The following PDE8A variants were observed in gnomAD, a reference collection of about 807,000 sequenced individuals.
The protein encoded by PDE8A is high affinity cAMP-specific and IBMX-insensitive 3',5'-cyclic phosphodiesterase 8A.
PDE8A carries 59 observed loss-of-function variants against 105.0 expected under a neutral mutation model. The ratio of observed to expected loss-of-function variants is 0.56; its 90% CI spans 0.46 to 0.70. The LOEUF (loss-of-function observed/expected upper bound fraction) is 0.70, where lower values mean the gene tolerates loss of function less well. PDE8A is among the 30% of genes least tolerant of loss of function. The probability of loss-of-function intolerance (pLI) is 0.00; values close to 1 mark genes in which losing one functional copy is unlikely to be tolerated. For synonymous variants in PDE8A, 355 were observed against 371.9 expected (o/e 0.95, Z 0.52); for missense variants, 1,014 against 1,045.9 (o/e 0.97, Z 0.42).
In PDE8A at chr15:85,035,800, G is replaced by C. The variant is rs1024792974; in HGVS notation, c.187-28570G>C. Among the ~76,000 whole-genome samples the C allele has an allele frequency of 1.1e-4, 16 of 152,314 alleles. No homozygotes were observed. In the East Asian group the frequency reaches 2.9e-3, roughly 28 times the overall value. ...AATATAAACAGACCAACTTTCTGAA[G>C]TGTCATAATATGTGGTCCCCTAATA... On this transcript the variant is annotated intron_variant, in intron 1 of 21. Coordinates refer to ENST00000394553, the MANE Select transcript of PDE8A (RefSeq NM_002605.3).
At chr15:85,115,803 C>G in intron 15 of PDE8A, 181 bp from the exon 16 acceptor site, 1 of 583,998 alleles carries the variant, frequency 1.7e-6, no homozygotes, top group South Asian at 2.2e-5. Context: ...TGCCTGTAAT[C>G]CCACTACTCA....
Position 85,085,805 on chromosome 15 carries a change from C to T in PDE8A, c.635+2161C>T, listed in dbSNP as rs545828777. On this transcript the variant is annotated intron_variant, in intron 6 of 21. Transcript: ENST00000394553. ...GGTGGATCACCTGAGGTCAGGAGTTCGAGACCAGCCTGGCCAACATGATGA... is the reference window on the plus strand; with the variant it reads ...GGTGGATCACCTGAGGTCAGGAGTTTGAGACCAGCCTGGCCAACATGATGA... 1.2e-4 allele frequency among the ~76,000 whole-genome samples: 18 copies of T among 151,826 alleles called. No individual in the cohort carries two copies. The Middle Eastern group carries it at 0.01, about 86-fold the overall frequency.
chr15:85,117,593 C>G, intron 16 of PDE8A, 48 bp from the exon 17 acceptor site: 1 of 1,513,030 alleles, frequency 6.6e-7, no homozygotes, highest in African/African-American at 1.4e-5. Flanking sequence ...AACACTTGGC[C>G]TGTTTGTTTG....
At chr15:85,066,233 T>TA (rs780288985) in intron 2 of PDE8A, among the ~76,000 whole-genome samples, 5 of 152,150 alleles carry the variant, frequency 3.3e-5, no homozygotes, top group Admixed American at 2.6e-4. Flanking sequence ...AACTAAATCT[T>TA]TGTTGAGTTC....
At chr15:85,070,049 C>T (rs377507327) in intron 3 of PDE8A, among the ~76,000 whole-genome samples, 20 of 152,300 alleles carry the variant, frequency 1.3e-4, no homozygotes, top group African/African-American at 4.1e-4. Context: ...TCCCCACCCC[C>T]GAACCAGCTT....
intron 1 of PDE8A, among the ~76,000 whole-genome samples, chr15:85,009,895 A>G (rs1296286330): frequency 6.6e-6 from 1 of 152,274 alleles, no homozygotes; most frequent in African/African-American, 2.4e-5. Context: ...AGTTCATCAG[A>G]AGAATAAGCT....
chr15:85,107,140 A>C (rs1227030359), intron 11 of PDE8A, among the ~76,000 whole-genome samples: 1 of 152,208 alleles, frequency 6.6e-6, no homozygotes, highest in African/African-American at 2.4e-5. Context: ...AGGATACCTG[A>C]ACTGCATCTT....
At chr15:85,058,166 G>C (rs761300338) in intron 1 of PDE8A, among the ~76,000 whole-genome samples, 1 of 152,030 alleles carries the variant, frequency 6.6e-6, no homozygotes, top group Non-Finnish European at 1.5e-5. Context: ...CTGCAGCCTC[G>C]ACTTCCTGGG....
intron 1 of PDE8A, among the ~76,000 whole-genome samples, chr15:84,995,567 T>G (rs905069948): frequency 7.9e-5 from 12 of 152,202 alleles, no homozygotes. Context: ...GCAGTCCTCC[T>G]GCCTCAGCTT....
intron 1 of PDE8A, among the ~76,000 whole-genome samples, chr15:85,008,258 G>A (rs1051087132): frequency 2.0e-5 from 3 of 152,100 alleles, no homozygotes; most frequent in Admixed American, 6.5e-5. Flanking sequence ...GGCTCAGGGA[G>A]GGATCAGAAG....
At chr15:85,006,773 A>C (rs2080154878) in intron 1 of PDE8A, among the ~76,000 whole-genome samples, 1 of 151,708 alleles carries the variant, frequency 6.6e-6, no homozygotes, top group Non-Finnish European at 1.5e-5. Context: ...CTGAAATAGG[A>C]GGGAATTAGG....
At chr15:85,098,835 C>T (rs1347982049) in intron 9 of PDE8A, among the ~76,000 whole-genome samples, 1 of 151,958 alleles carries the variant, frequency 6.6e-6, no homozygotes, top group East Asian at 1.9e-4. Context: ...GTGACACACA[C>T]CTATCAGTTA....
chr15:85,058,032 G>T (rs2081089376), intron 1 of PDE8A, among the ~76,000 whole-genome samples: 1 of 151,886 alleles, frequency 6.6e-6, no homozygotes, highest in Non-Finnish European at 1.5e-5. Context: ...TCGTTGTTTT[G>T]TTTTTGAGAT....
chr15:85,041,233 C>T (rs1024293059), intron 1 of PDE8A, among the ~76,000 whole-genome samples: 18 of 152,342 alleles, frequency 1.2e-4, no homozygotes, highest in African/African-American at 4.1e-4. Flanking sequence ...GTCAACTCAA[C>T]CCCAAACCTA....
intron 1 of PDE8A, among the ~76,000 whole-genome samples, chr15:85,022,429 T>G (rs1220216052): frequency 4.1e-5 from 1 of 24,380 alleles, no homozygotes; most frequent in African/African-American, 7.5e-5. Context: ...TGGAAGTGTT[T>G]TTTTTTTTTT....
intron 1 of PDE8A, among the ~76,000 whole-genome samples, chr15:85,015,203 G>T (rs1210004346): frequency 6.6e-6 from 1 of 151,546 alleles, no homozygotes; most frequent in African/African-American, 2.4e-5. Flanking sequence ...TTGAACATTT[G>T]AGTTGTTTCC....
rs566182805 is a variant in PDE8A at position 85,076,923 on chromosome 15, G to A, written c.546+136G>A. ...TGGCCAGGCGTGGTGGCTCATACCT[G>A]TAATCCCAGCACTTTGGGAGGTCGA... On this transcript the variant is annotated intron_variant, in intron 5 of 21. Transcript: ENST00000394553. 3.7e-5 allele frequency: 23 copies of A among 618,218 alleles called. No homozygotes were observed. The South Asian group carries it at 4.3e-4, about 12-fold the overall frequency. 38.3% of individuals were successfully genotyped at this position (618,218 alleles called of 1,614,324 possible). A position where few individuals can be genotyped will look rare whatever the true frequency, so the allele number is the denominator to read the frequency against.
At chr15:85,137,661 G>C in intron 21 of PDE8A, 136 bp from the exon 22 acceptor site, 1 of 612,314 alleles carries the variant, frequency 1.6e-6, no homozygotes, top group Non-Finnish European at 3.0e-6. Context: ...GAAGCTGCTG[G>C]GTGTGTTTGC....
At chr15:85,118,352 C>G (rs1224510172) in intron 17 of PDE8A, among the ~76,000 whole-genome samples, 1 of 152,142 alleles carries the variant, frequency 6.6e-6, no homozygotes, top group Non-Finnish European at 1.5e-5. Flanking sequence ...CCTCAACCCC[C>G]CACATCTGGT....
Sources: allele counts gnomAD v4.1 joint callset (sites outside exome capture counted in the v4.1 genomes callset), GRCh38; gene constraint gnomAD v4.1.1; transcripts MANE v1.5; gene names NCBI Gene and HGNC (gene_info 2026-07-23, HGNC 2026-07-21).